Variants in GPR39 observed in about 807,000 individuals in gnomAD.
GPR39 encodes zinc sensing receptor.
In GPR39, 23 loss-of-function variants were observed where a neutral mutation model predicts 18.4. That is an observed-to-expected ratio of 1.25 (90% CI 0.90 to 1.77). The LOEUF is 1.77. Ranked by LOEUF, GPR39 falls within the 40% of genes most tolerant of loss-of-function variation. GPR39 has a pLI of 0.00. For synonymous variants in GPR39, 280 were observed against 257.9 expected (o/e 1.09, Z -0.82); for missense variants, 647 against 602.4 (o/e 1.07, Z -0.78).
At chr2:132,578,138 C>T (rs1394658839) in intron 1 of GPR39, among the ~76,000 whole-genome samples, 1 of 144,226 alleles carries the variant, frequency 6.9e-6, no homozygotes, top group Non-Finnish European at 1.5e-5. Context: ...TTGATATGAT[C>T]ACACGATTTT....
intron 1 of GPR39, among the ~76,000 whole-genome samples, chr2:132,418,323 T>A (rs1679948786): frequency 6.6e-6 from 1 of 152,200 alleles, no homozygotes; most frequent in Non-Finnish European, 1.5e-5. Context: ...ATCTAGCTCT[T>A]TTACCCGGGG....
intron 1 of GPR39, among the ~76,000 whole-genome samples, chr2:132,548,548 T>C (rs1043063167): frequency 1.3e-5 from 2 of 152,186 alleles, no homozygotes; most frequent in African/African-American, 4.8e-5. Flanking sequence ...TAGAAAACAA[T>C]CAAGTGAAAG....
At chr2:132,475,385 G>A (rs1681106473) in intron 1 of GPR39, among the ~76,000 whole-genome samples, 1 of 151,840 alleles carries the variant, frequency 6.6e-6, no homozygotes, top group East Asian at 1.9e-4. Flanking sequence ...GAGGTCATGA[G>A]GGGTAGTTGG....
chr2:132,501,054 G>GTTTTTTTTTTT (rs55720929), intron 1 of GPR39, among the ~76,000 whole-genome samples: 1 of 90,324 alleles, frequency 1.1e-5, no homozygotes, highest in Non-Finnish European at 2.2e-5. Flanking sequence ...TATCTTTTGT[G>GTTTTTTTTTTT]TTTTTTTTTT....
intron 1 of GPR39, among the ~76,000 whole-genome samples, chr2:132,537,638 T>C (rs1478000848): frequency 7.9e-5 from 12 of 152,138 alleles, no homozygotes; most frequent in Non-Finnish European, 4.4e-5. Context: ...TGAAGTGTGT[T>C]TTCCAACTTG....
intron 1 of GPR39, among the ~76,000 whole-genome samples, chr2:132,581,664 G>A (rs1027293331): frequency 1.3e-5 from 2 of 152,142 alleles, no homozygotes; most frequent in Non-Finnish European, 2.9e-5. Flanking sequence ...GAGGCCCTTA[G>A]TTTCACAGGC....
intron 1 of GPR39, among the ~76,000 whole-genome samples, chr2:132,584,995 A>G (rs939886246): frequency 6.6e-6 from 1 of 152,160 alleles, no homozygotes; most frequent in African/African-American, 2.4e-5. Flanking sequence ...GCCCCCCACC[A>G]TCAGGGCTGT....
rs1254921822 is a variant in GPR39 at position 132,646,417 on chromosome 2, T to C, written c.*811T>C. On this transcript the variant is annotated 3_prime_UTR_variant, in exon 2 of 2. Transcript: ENST00000329321. ...AGACTAGGTGAGGTCAGGGAAGTGC[T>C]TCGGATTGTCTCATTGATATTCAAG... 2.2e-6 allele frequency: 1 copy of C among 457,930 alleles called. No homozygotes were observed. The highest frequency in any genetic ancestry group is 2.0e-5 in the African/African-American group (1 of 49,548). 28.4% of individuals were successfully genotyped at this position (457,930 alleles called of 1,614,324 possible). A position where few individuals can be genotyped will look rare whatever the true frequency, so the allele number is the denominator to read the frequency against.
intron 1 of GPR39, among the ~76,000 whole-genome samples, chr2:132,527,967 C>T (rs376081533): frequency 3.3e-5 from 5 of 152,104 alleles, no homozygotes; most frequent in African/African-American, 7.2e-5. Context: ...GCTTTTGTTA[C>T]CATTGCTTTT....
intron 1 of GPR39, among the ~76,000 whole-genome samples, chr2:132,545,781 G>T (rs762766654): frequency 2.0e-4 from 31 of 152,122 alleles, no homozygotes; most frequent in Non-Finnish European, 3.5e-4. Flanking sequence ...CAGTCAGTCT[G>T]GGGGCAGGCC....
At chr2:132,476,401 C>T (rs897900228) in intron 1 of GPR39, among the ~76,000 whole-genome samples, 19 of 151,886 alleles carry the variant, frequency 1.3e-4, no homozygotes, top group African/African-American at 3.4e-4. Flanking sequence ...TTTGGGAGGC[C>T]GAGGTGGGTG....
chr2:132,563,479 T>A (rs1298660171), intron 1 of GPR39, among the ~76,000 whole-genome samples: 2 of 152,114 alleles, frequency 1.3e-5, no homozygotes, highest in African/African-American at 4.8e-5. Context: ...GAGGCTGAGG[T>A]AGGAGTAAAA....
In GPR39 at chr2:132,646,023, G is replaced by C. The variant is rs914495326; in HGVS notation, c.*417G>C. ...CGAGGGCTGGAAGAACAATGCAGGA[G>C]GGGGTGGCATCTCCTTCAGCTTCAG... On this transcript the variant is annotated 3_prime_UTR_variant, in exon 2 of 2. Coordinates refer to ENST00000329321, the MANE Select transcript of GPR39 (RefSeq NM_001508.3). 2.0e-6 allele frequency: 3 copies of C among 1,502,972 alleles called. No individual in the cohort carries two copies. The highest frequency in any genetic ancestry group is 9.0e-7 in the Non-Finnish European group (1 of 1,115,666). 93.1% of individuals were successfully genotyped at this position (1,502,972 alleles called of 1,614,324 possible).
intron 1 of GPR39, among the ~76,000 whole-genome samples, chr2:132,530,015 C>T (rs926894712): frequency 7.9e-5 from 12 of 152,134 alleles, no homozygotes; most frequent in South Asian, 2.1e-4. Flanking sequence ...ATGACTTTGA[C>T]GAGTTGAGAG....
intron 1 of GPR39, among the ~76,000 whole-genome samples, chr2:132,554,396 A>G (rs1047454265): frequency 1.3e-5 from 2 of 152,314 alleles, no homozygotes; most frequent in East Asian, 3.9e-4. Context: ...GCCACTTATT[A>G]TTTGGGTCAT....
chr2:132,484,849 T>C (rs1573624740), intron 1 of GPR39, among the ~76,000 whole-genome samples: 2 of 152,238 alleles, frequency 1.3e-5, no homozygotes, highest in East Asian at 3.8e-4. Context: ...AATCGAGTAT[T>C]AAGTTCAGGT....
rs750608039 is a variant in GPR39 at position 132,645,545 on chromosome 2, A to G, written c.1301A>G (p.Asn434Ser). The G allele has an allele frequency of 1.2e-5, 20 of 1,613,964 alleles. No individual in the cohort carries two copies. Among genetic ancestry groups the G allele is most frequent in the African/African-American group, 1.2e-4 (9 of 74,918 alleles). ...TTGAGTCTCGAGTCACTAGAGCCCAACTCAGGCGCGAAACCAGCCAATTCT... is the reference window on the plus strand; with the variant it reads ...TTGAGTCTCGAGTCACTAGAGCCCAGCTCAGGCGCGAAACCAGCCAATTCT... ...QSLSLESLEP[N>S]SGAKPANSAA... The change falls in exon 2 of 2, where the codon AAC (asparagine) becomes AGC (serine). Residue 434 changes from asparagine to serine, a missense_variant. Coordinates refer to ENST00000329321, the MANE Select transcript of GPR39 (RefSeq NM_001508.3).
Position 132,645,104 on chromosome 2 carries a change from T to C in GPR39, c.860T>C (p.Leu287Pro). The C allele has an allele frequency of 6.2e-7, 1 of 1,611,638 alleles. No individual in the cohort carries two copies. The highest frequency in any genetic ancestry group is 8.5e-7 in the Non-Finnish European group (1 of 1,178,540). Residue 287 changes from leucine (L) to proline (P), a missense_variant, in exon 2 of 2, where the codon CTG becomes CCG. Physicochemically the swap from Leu to Pro is moderately conservative, Grantham distance 98 (BLOSUM62 -3). Transcript: ENST00000329321. ...ARRQTIIFLR[L>P]IVVTLAVCWM... ...CCTCCTGCTCGTGTCTGCCCAGGGC[T>C]GATTGTTGTGACATTGGCCGTATGC...
chr2:132,551,695 A>T (rs184757028), intron 1 of GPR39, among the ~76,000 whole-genome samples: 15 of 152,346 alleles, frequency 9.8e-5, no homozygotes, highest in Admixed American at 7.8e-4. Flanking sequence ...GGAAACAATA[A>T]ATGCCTGAAA....
Sources: gnomAD v4.1 joint callset for allele counts (sites outside exome capture counted in the v4.1 genomes callset) on GRCh38, gnomAD v4.1.1 for gene constraint, MANE v1.5 for transcripts, NCBI Gene and HGNC (gene_info 2026-07-23, HGNC 2026-07-21) for gene names.